The following GRM5 variants were observed in gnomAD, a reference collection of about 807,000 sequenced individuals.
GRM5 encodes glutamate metabotropic receptor 5.
Under a neutral mutation model 83.1 loss-of-function variants are expected in GRM5, and 19 were observed. The ratio of observed to expected loss-of-function variants is 0.23; its 90% CI spans 0.16 to 0.34. GRM5 has a LOEUF of 0.34. GRM5 is among the 10% of genes least tolerant of loss of function. GRM5 has a pLI of 1.00. For missense variants in GRM5, 1,160 were observed against 1,588.3 expected, an observed-to-expected ratio of 0.73 and a Z score of 4.58; for synonymous variants, 675 against 633.6, an observed-to-expected ratio of 1.07 and a Z score of -0.98.
At chr11:89,032,779 C>A (rs1298320083) in intron 2 of GRM5, among the ~76,000 whole-genome samples, 3 of 152,150 alleles carry the variant, frequency 2.0e-5, no homozygotes, top group African/African-American at 7.2e-5. Context: ...TCAAGTGTAT[C>A]TGAATTCAAT....
chr11:88,647,727 TG>T (rs1323020272), intron 4 of GRM5, among the ~76,000 whole-genome samples: 2 of 151,972 alleles, frequency 1.3e-5, no homozygotes, highest in Non-Finnish European at 2.9e-5. Context: ...ACCTACAAAA[TG>T]GGAGAAAATT....
rs1943444883 is a variant in GRM5, at chr11:88,803,752, T to C, written c.911+46154A>G. 2.0e-5 allele frequency among the ~76,000 whole-genome samples: 3 copies of C among 151,766 alleles called. No individual in the cohort carries two copies. In the South Asian group the frequency reaches 6.2e-4, roughly 31 times the overall value. On this transcript the variant is annotated intron_variant, in intron 3 of 9. Coordinates refer to ENST00000305447, the MANE Select transcript of GRM5 (RefSeq NM_001143831.3). ...CTACCATCAGAGTGAACAGGCAACCTACAAAATGGGAGAAAATTTTCGCAA... is the reference window on the plus strand; with the variant it reads ...CTACCATCAGAGTGAACAGGCAACCCACAAAATGGGAGAAAATTTTCGCAA...
At position 88,893,786 on chromosome 11, in the gene GRM5, G is replaced by A. The variant is rs577555868; in HGVS notation, c.662-43631C>T. ...CCCTAGCTGCTGTTCCCCACATGAC[G>A]TCCCTTTTCAGCAGGAAGTAGCCAG... On this transcript the variant is annotated intron_variant, in intron 2 of 9. Coordinates refer to ENST00000305447, the MANE Select transcript of GRM5 (RefSeq NM_001143831.3). 1.6e-4 allele frequency among the ~76,000 whole-genome samples: 24 copies of A among 151,946 alleles called. No homozygotes were observed. The South Asian group carries it at 4.2e-3, about 26-fold the overall frequency.
intron 2 of GRM5, among the ~76,000 whole-genome samples, chr11:88,891,985 A>G (rs1303576779): frequency 1.3e-5 from 2 of 152,074 alleles, no homozygotes; most frequent in South Asian, 2.1e-4. Context: ...AGTCAAGGAA[A>G]CTTATTTTGA....
intron 3 of GRM5, among the ~76,000 whole-genome samples, chr11:88,768,568 C>T (rs1420760802): frequency 6.6e-6 from 1 of 151,550 alleles, no homozygotes; most frequent in African/African-American, 2.4e-5. Flanking sequence ...GTGAACCATA[C>T]ACTTAACAAT....
intron 2 of GRM5, among the ~76,000 whole-genome samples, chr11:88,950,586 G>C (rs560946): frequency 0.85 from 128,651 of 152,086 alleles, 57,189 homozygotes; most frequent in East Asian, 0.97. Flanking sequence ...AAAGTGAGAT[G>C]CTTTGACATG....
intron 3 of GRM5, among the ~76,000 whole-genome samples, chr11:88,758,604 A>C (rs958080029): frequency 1.3e-5 from 2 of 152,194 alleles, no homozygotes; most frequent in Admixed American, 6.6e-5. Flanking sequence ...AAAGGGACCA[A>C]ATCTAAGATT....
chr11:88,887,833 G>A (rs1231457957), intron 2 of GRM5, among the ~76,000 whole-genome samples: 1 of 152,080 alleles, frequency 6.6e-6, no homozygotes, highest in Non-Finnish European at 1.5e-5. Flanking sequence ...TTGCACAAGG[G>A]CATGGCCTTT....
intron 2 of GRM5, among the ~76,000 whole-genome samples, chr11:88,938,645 C>T (rs191332433): frequency 7.2e-4 from 109 of 151,282 alleles, no homozygotes; most frequent in Middle Eastern, 3.4e-3. Context: ...CAAATCCAGT[C>T]ATTCTCATTC....
intron 2 of GRM5, among the ~76,000 whole-genome samples, chr11:88,949,989 C>T (rs12418147): frequency 0.022 from 3,320 of 151,928 alleles, 77 homozygotes; most frequent in East Asian, 0.098. Context: ...CTCAACCTCC[C>T]GAGTAGCTGG....
intron 3 of GRM5, among the ~76,000 whole-genome samples, chr11:88,806,561 A>G (rs1410476732): frequency 3.3e-5 from 5 of 152,146 alleles, no homozygotes; most frequent in Non-Finnish European, 7.4e-5. Flanking sequence ...TAGGCAGTTG[A>G]TCTCAACTGT....
At chr11:89,030,065 T>C (rs1941225851) in intron 2 of GRM5, among the ~76,000 whole-genome samples, 1 of 152,186 alleles carries the variant, frequency 6.6e-6, no homozygotes, top group South Asian at 2.1e-4. Context: ...ACACAAAGCA[T>C]GACATTAGTA....
chr11:88,871,012 T>C (rs1241195754), intron 2 of GRM5, among the ~76,000 whole-genome samples: 8 of 151,636 alleles, frequency 5.3e-5, no homozygotes, highest in African/African-American at 1.9e-4. Flanking sequence ...GTACATTATA[T>C]GTATGAAAAC....
intron 1 of GRM5, among the ~76,000 whole-genome samples, chr11:89,051,256 A>T (rs1333188640): frequency 6.6e-6 from 1 of 151,520 alleles, no homozygotes; most frequent in East Asian, 2.0e-4. Flanking sequence ...TCCGTCTCAC[A>T]AAAAAGAAAA....
intron 2 of GRM5, among the ~76,000 whole-genome samples, chr11:89,034,881 A>G (rs1391788273): frequency 1.4e-5 from 2 of 144,828 alleles, no homozygotes; most frequent in African/African-American, 5.0e-5. Context: ...TGTATTAGGT[A>G]TAAGAGGCTT....
At chr11:88,907,584 G>A (rs1187892785) in intron 2 of GRM5, among the ~76,000 whole-genome samples, 7 of 152,088 alleles carry the variant, frequency 4.6e-5, no homozygotes, top group Admixed American at 6.6e-5. Flanking sequence ...TTACTCATGC[G>A]AATATTAGAA....
chr11:88,781,576 A>G (rs1942977679), intron 3 of GRM5, among the ~76,000 whole-genome samples: 1 of 151,976 alleles, frequency 6.6e-6, no homozygotes, highest in African/African-American at 2.4e-5. Context: ...GATTCCAGTC[A>G]TCATAAATAC....
intron 3 of GRM5, among the ~76,000 whole-genome samples, chr11:88,693,601 C>T (rs1040715217): frequency 2.6e-5 from 4 of 152,280 alleles, no homozygotes; most frequent in South Asian, 2.1e-4. Flanking sequence ...ACTTACCCAC[C>T]GATCACGGTA....
intron 2 of GRM5, among the ~76,000 whole-genome samples, chr11:89,029,928 GT>G (rs1941222469): frequency 6.6e-6 from 1 of 152,104 alleles, no homozygotes; most frequent in Non-Finnish European, 1.5e-5. Context: ...AGCTGTAGAT[GT>G]CATATTACAC....
Sources: gnomAD v4.1 joint callset for allele counts (sites outside exome capture counted in the v4.1 genomes callset) on GRCh38, gnomAD v4.1.1 for gene constraint, MANE v1.5 for transcripts, NCBI Gene and HGNC (gene_info 2026-07-23, HGNC 2026-07-21) for gene names.